KIF16B: variants seen among roughly 807,000 people sequenced by gnomAD.
The protein encoded by KIF16B is kinesin family member 16B, also known as kinesin-like protein KIF16B.
Under a neutral mutation model 156.3 loss-of-function variants are expected in KIF16B, and 98 were observed. The observed-to-expected ratio is 0.63, with a 90% CI of 0.53 to 0.74. The LOEUF is 0.74. KIF16B is among the 30% of genes least tolerant of loss of function. The pLI is 0.00. For missense variants in KIF16B, 1,421 were observed against 1,606.5 expected, an observed-to-expected ratio of 0.88 and a Z score of 1.97; for synonymous variants, 564 against 583.7, an observed-to-expected ratio of 0.97 and a Z score of 0.49.
At chr20:16,334,601 A>G (rs901819967) in intron 24 of KIF16B, among the ~76,000 whole-genome samples, 31 of 152,276 alleles carry the variant, frequency 2.0e-4, no homozygotes, top group Middle Eastern at 6.8e-3. Context: ...TATGATCCCC[A>G]ATGTTGGAGG....
rs780021412 is a variant in KIF16B, at chr20:16,382,149, G to C, written c.1785-402C>G. The C allele has an allele frequency of 1.1e-5, 15 of 1,335,626 alleles. No homozygotes were observed. In the Admixed American group the frequency reaches 2.8e-4, roughly 25 times the overall value. The allele number at this position is 1,335,626 out of a possible 1,614,324, so 82.7% of individuals were successfully genotyped here. A position where few individuals can be genotyped will look rare whatever the true frequency, so the allele number is the denominator to read the frequency against. On this transcript the variant is annotated intron_variant, in intron 17 of 25. Transcript: ENST00000354981. ...GAAAAGACTGCCAGGGAGGTGGAGA[G>C]AGAGAGAGAAAGAGAGAGAGAGCAC...
At chr20:16,293,885 G>C (rs2063346040) in intron 25 of KIF16B, among the ~76,000 whole-genome samples, 1 of 152,140 alleles carries the variant, frequency 6.6e-6, no homozygotes, top group Non-Finnish European at 1.5e-5. Flanking sequence ...ACCAGGCAGG[G>C]AGGGCGAGTG....
chr20:16,279,979 A>C (rs967865884), intron 25 of KIF16B, among the ~76,000 whole-genome samples: 2 of 152,224 alleles, frequency 1.3e-5, no homozygotes, highest in African/African-American at 2.4e-5. Flanking sequence ...TGCATCAGGA[A>C]AAAAAATTGA....
intron 12 of KIF16B, among the ~76,000 whole-genome samples, chr20:16,452,057 T>C (rs2067096035): frequency 6.6e-6 from 1 of 151,940 alleles, no homozygotes; most frequent in Admixed American, 6.6e-5. Context: ...CAGGTAAGAA[T>C]GGGTGGGTCT....
chr20:16,468,685 G>A (rs1468731226), intron 12 of KIF16B, among the ~76,000 whole-genome samples: 8 of 151,014 alleles, frequency 5.3e-5, no homozygotes, highest in South Asian at 2.1e-4. Context: ...GTAAATATAC[G>A]TGAGGTAAAA....
intron 12 of KIF16B, among the ~76,000 whole-genome samples, chr20:16,459,753 G>A (rs2067297555): frequency 6.6e-6 from 1 of 152,152 alleles, no homozygotes; most frequent in South Asian, 2.1e-4. Context: ...ATCTCCTGTG[G>A]GTTAGGAAAC....
Position 16,272,376 on chromosome 20 carries a change from T to C in KIF16B, c.*877A>G, listed in dbSNP as rs1017269814. 1 of 152,598 alleles carries C rather than the reference T, an allele frequency of 6.6e-6. No individual in the cohort carries two copies. The highest frequency in any genetic ancestry group is 1.5e-5 in the Non-Finnish European group (1 of 68,038). The allele number at this position is 152,598 out of a possible 1,614,324, so 9.5% of individuals were successfully genotyped here. Reference sequence around the variant, plus strand: ...ACATTAAGTCCTGAGTAATTTAAGGTATCATTAATAAACTGCTATAAATTC... The same window carrying C: ...ACATTAAGTCCTGAGTAATTTAAGGCATCATTAATAAACTGCTATAAATTC... On this transcript the variant is annotated 3_prime_UTR_variant, in exon 26 of 26. Coordinates refer to ENST00000354981, the MANE Select transcript of KIF16B (RefSeq NM_024704.5).
chr20:16,365,617 G>A (rs1056961850), intron 22 of KIF16B, among the ~76,000 whole-genome samples: 2 of 152,200 alleles, frequency 1.3e-5, no homozygotes, highest in African/African-American at 4.8e-5. Flanking sequence ...TGGGAATGTA[G>A]ACCCAGTGTG....
At chr20:16,452,477 G>C (rs1467633578) in intron 12 of KIF16B, among the ~76,000 whole-genome samples, 1 of 151,308 alleles carries the variant, frequency 6.6e-6, no homozygotes, top group Non-Finnish European at 1.5e-5. Flanking sequence ...AAGCTAGAAA[G>C]CTGCAGTGAA....
At chr20:16,350,093 C>A (rs1350881215) in intron 23 of KIF16B, among the ~76,000 whole-genome samples, 1 of 152,238 alleles carries the variant, frequency 6.6e-6, no homozygotes, top group African/African-American at 2.4e-5. Context: ...CAGAATGAGA[C>A]AAGAGGAGAC....
chr20:16,385,950 T>C (rs2065220474), intron 17 of KIF16B, among the ~76,000 whole-genome samples: 1 of 152,230 alleles, frequency 6.6e-6, no homozygotes, highest in African/African-American at 2.4e-5. Context: ...TTTTAATCTC[T>C]TCTCTGTCCT....
intron 3 of KIF16B, among the ~76,000 whole-genome samples, chr20:16,524,514 A>C (rs1209692393): frequency 6.6e-6 from 1 of 152,244 alleles, no homozygotes; most frequent in African/African-American, 2.4e-5. Context: ...ATCATTAAAA[A>C]GTCAGGAAAC....
At chr20:16,534,911 T>A (rs2069899142) in intron 1 of KIF16B, among the ~76,000 whole-genome samples, 1 of 152,210 alleles carries the variant, frequency 6.6e-6, no homozygotes, top group South Asian at 2.1e-4. Context: ...AGACTTTTAA[T>A]GTATTTTGAA....
chr20:16,273,122 G>A lies in KIF16B; in HGVS notation c.*131C>T. 1 of 758,096 alleles carries A rather than the reference G, an allele frequency of 1.3e-6. No homozygotes were observed. Among genetic ancestry groups the A allele is most frequent in the Non-Finnish European group, 2.3e-6 (1 of 442,370 alleles). 47.0% of individuals were successfully genotyped at this position (758,096 alleles called of 1,614,324 possible). A position where few individuals can be genotyped will look rare whatever the true frequency, so the allele number is the denominator to read the frequency against. On this transcript the variant is annotated 3_prime_UTR_variant, in exon 26 of 26. Transcript: ENST00000354981. ...AGGTATGGAAACGTGAGGTGGCCCGGGCCCGCTGCTGCATGTCTGTCTTCA... is the reference window on the plus strand; with the variant it reads ...AGGTATGGAAACGTGAGGTGGCCCGAGCCCGCTGCTGCATGTCTGTCTTCA...
At chr20:16,543,221 G>A (rs1468325156) in intron 1 of KIF16B, among the ~76,000 whole-genome samples, 47 of 152,186 alleles carry the variant, frequency 3.1e-4, no homozygotes, top group Admixed American at 3.1e-3. Flanking sequence ...TTTTCACATT[G>A]TGAGATGCTG....
chr20:16,379,999 T>C lies in KIF16B; in HGVS notation c.2003A>G (p.Lys668Arg). The C allele has an allele frequency of 6.2e-7, 1 of 1,607,356 alleles. No individual in the cohort carries two copies. The highest frequency in any genetic ancestry group is 8.5e-7 in the Non-Finnish European group (1 of 1,177,672). The change falls in exon 19 of 26, where the codon AAG (lysine) becomes AGG (arginine). Residue 668 changes from lysine to arginine, a missense_variant. By Grantham distance (26) the Lys-to-Arg change is conservative (BLOSUM62 2). Transcript: ENST00000354981. ...LKRRSFHIEN[K>R]LKDLLAEKEK... The stretch of plus-strand genomic sequence containing the variant: ...CTTCTCCGCAAGTAAATCCTTTAGC[T>C]TGTTCTCGATGTGGAAGCTGCGGCG...
chr20:16,547,549 T>C (rs1397492818), intron 1 of KIF16B, among the ~76,000 whole-genome samples: 2 of 152,168 alleles, frequency 1.3e-5, no homozygotes, highest in East Asian at 3.9e-4. Context: ...CTGTGTCATA[T>C]CACCTTCTCC....
At chr20:16,557,603 T>C (rs746908471) in intron 1 of KIF16B, among the ~76,000 whole-genome samples, 2 of 152,116 alleles carry the variant, frequency 1.3e-5, no homozygotes, top group African/African-American at 4.8e-5. Flanking sequence ...CTCAGAGAAG[T>C]ACAATAATAC....
chr20:16,294,689 G>A (rs528059218), intron 25 of KIF16B, among the ~76,000 whole-genome samples: 2 of 152,012 alleles, frequency 1.3e-5, no homozygotes, highest in South Asian at 4.2e-4. Flanking sequence ...ACCTGGTGGG[G>A]TGCAGACACC....
Sources: allele counts gnomAD v4.1 joint callset (sites outside exome capture counted in the v4.1 genomes callset), GRCh38; gene constraint gnomAD v4.1.1; transcripts MANE v1.5; gene names NCBI Gene and HGNC (gene_info 2026-07-23, HGNC 2026-07-21).